THSD7B: variants seen among roughly 807,000 people sequenced by gnomAD.
The protein encoded by THSD7B is thrombospondin type 1 domain containing 7B.
In THSD7B, 138 loss-of-function variants were observed where a neutral mutation model predicts 213.6. The observed-to-expected ratio is 0.65, with a 90% confidence interval of 0.56 to 0.74. The LOEUF (loss-of-function observed/expected upper bound fraction) is 0.74, where lower values mean the gene tolerates loss of function less well. Among genes scored for constraint, THSD7B ranks in the 30% least tolerant of loss-of-function variants. THSD7B has a pLI of 0.00. For synonymous variants in THSD7B, 742 were observed against 687.0 expected, an observed-to-expected ratio of 1.08 and a Z score of -1.25; for missense variants, 1,931 against 1,991.5, an observed-to-expected ratio of 0.97 and a Z score of 0.58.
chr2:136,820,345 C>G (rs963765800), intron 1 of THSD7B, among the ~76,000 whole-genome samples: 2 of 152,188 alleles, frequency 1.3e-5, no homozygotes, highest in South Asian at 4.1e-4. Context: ...TACCCTGAAC[C>G]TAGTGATCAA....
At chr2:137,602,030 C>G (rs1004116102) in intron 17 of THSD7B, among the ~76,000 whole-genome samples, 1 of 152,218 alleles carries the variant, frequency 6.6e-6, no homozygotes, top group African/African-American at 2.4e-5. Context: ...GGCCTGCTCC[C>G]TCTCACATTT....
At chr2:136,890,278 T>C in intron 2 of THSD7B, among the ~76,000 whole-genome samples, 1 of 101,974 alleles carries the variant, frequency 9.8e-6, no homozygotes. Flanking sequence ...GTGTACTCAT[T>C]GCTCATTCAT....
At chr2:136,786,806 C>T (rs3951770) in intron 1 of THSD7B, among the ~76,000 whole-genome samples, 21,665 of 152,000 alleles carry the variant, frequency 0.14, 2,257 homozygotes, top group Non-Finnish European at 0.22. Context: ...ACATAAATGT[C>T]GATGATTTCT....
intron 2 of THSD7B, among the ~76,000 whole-genome samples, chr2:136,900,797 G>T (rs1424878033): frequency 6.6e-6 from 1 of 152,122 alleles, no homozygotes; most frequent in Non-Finnish European, 1.5e-5. Context: ...AAAATCATAG[G>T]CTCAAATTCT....
At chr2:137,300,700 CT>C (rs1022443460) in intron 12 of THSD7B, among the ~76,000 whole-genome samples, 1 of 151,990 alleles carries the variant, frequency 6.6e-6, no homozygotes, top group Non-Finnish European at 1.5e-5. Flanking sequence ...AAGGCACATG[CT>C]GGAAAAAGGA....
chr2:137,349,806 C>T (rs2104919274), intron 12 of THSD7B, among the ~76,000 whole-genome samples: 1 of 151,106 alleles, frequency 6.6e-6, no homozygotes, highest in Admixed American at 6.7e-5. Flanking sequence ...TGATAATATG[C>T]TAAAGTCATA....
At chr2:136,938,668 A>T (rs1194400290) in intron 2 of THSD7B, among the ~76,000 whole-genome samples, 1 of 152,196 alleles carries the variant, frequency 6.6e-6, no homozygotes, top group Non-Finnish European at 1.5e-5. Context: ...CTTTGTATTG[A>T]GGCACATTTT....
chr2:136,780,140 T>A (rs1417000333), intron 1 of THSD7B, among the ~76,000 whole-genome samples: 3 of 152,200 alleles, frequency 2.0e-5, no homozygotes, highest in Non-Finnish European at 4.4e-5. Context: ...GGGTAATTCA[T>A]AAATAATTTA....
At chr2:137,077,254 T>A (rs1687646726) in intron 3 of THSD7B, among the ~76,000 whole-genome samples, 2 of 152,112 alleles carry the variant, frequency 1.3e-5, no homozygotes, top group African/African-American at 4.8e-5. Context: ...GTTCCATGTC[T>A]TTGCTATTGT....
intron 12 of THSD7B, among the ~76,000 whole-genome samples, chr2:137,338,389 T>C (rs541277942): frequency 3.9e-5 from 6 of 152,100 alleles, no homozygotes; most frequent in Admixed American, 3.3e-4. Flanking sequence ...GGTCAGGGAA[T>C]TCAAGGGTGG....
At chr2:136,945,582 T>G (rs1684922678) in intron 2 of THSD7B, among the ~76,000 whole-genome samples, 3 of 152,212 alleles carry the variant, frequency 2.0e-5, no homozygotes, top group Admixed American at 1.3e-4. Context: ...CTTGTTTCTA[T>G]TCTCCCAGTC....
intron 1 of THSD7B, among the ~76,000 whole-genome samples, chr2:136,838,440 C>T (rs932887367): frequency 6.6e-6 from 1 of 152,120 alleles, no homozygotes; most frequent in Non-Finnish European, 1.5e-5. Flanking sequence ...ATAAAAGTAG[C>T]TTCTGTAGTT....
At chr2:137,396,584 GTATGTGGT>G (rs1453720703) in intron 12 of THSD7B, among the ~76,000 whole-genome samples, 24 of 139,138 alleles carry the variant, frequency 1.7e-4, no homozygotes, top group African/African-American at 6.4e-4. Context: ...TTACTTCCAA[GTATGTGGT>G]CAATTTTGGA....
intron 7 of THSD7B, among the ~76,000 whole-genome samples, chr2:137,228,150 T>TG (rs57891178): frequency 0.071 from 9,190 of 129,234 alleles, 751 homozygotes; most frequent in African/African-American, 0.21. Flanking sequence ...GCAGCTGTTT[T>TG]TTTTTTTTTC....
intron 15 of THSD7B, among the ~76,000 whole-genome samples, chr2:137,510,135 T>C (rs990472805): frequency 7.2e-5 from 11 of 152,180 alleles, no homozygotes; most frequent in African/African-American, 2.7e-4. Context: ...ATTGGTATGA[T>C]TGGATTTAGA....
At chr2:136,859,479 T>C (rs1431434878) in intron 1 of THSD7B, among the ~76,000 whole-genome samples, 1 of 152,194 alleles carries the variant, frequency 6.6e-6, no homozygotes, top group Non-Finnish European at 1.5e-5. Context: ...GATGTGCTAA[T>C]AGATCATAAC....
intron 17 of THSD7B, among the ~76,000 whole-genome samples, chr2:137,596,192 G>C (rs1681954445): frequency 6.6e-6 from 1 of 151,968 alleles, no homozygotes. Flanking sequence ...ATGAACACAT[G>C]CTGGATAATA....
chr2:136,858,956 G>C (rs1320908676), intron 1 of THSD7B, among the ~76,000 whole-genome samples: 2 of 152,202 alleles, frequency 1.3e-5, no homozygotes, highest in East Asian at 3.9e-4. Context: ...TAGAGAGACA[G>C]TTTGAACTCT....
chr2:137,238,033 G>T (rs1681807273), intron 9 of THSD7B, among the ~76,000 whole-genome samples: 1 of 152,162 alleles, frequency 6.6e-6, no homozygotes, highest in Admixed American at 6.5e-5. Flanking sequence ...GAAAAAGAGA[G>T]AGAAAGGGCC....
Sources: gnomAD v4.1 joint callset for allele counts (sites outside exome capture counted in the v4.1 genomes callset) on GRCh38, gnomAD v4.1.1 for gene constraint, MANE v1.5 for transcripts, NCBI Gene and HGNC (gene_info 2026-07-23, HGNC 2026-07-21) for gene names.